SGCD: variants seen among roughly 807,000 people sequenced by gnomAD.
SGCD encodes the protein sarcoglycan delta.
SGCD carries 18 observed loss-of-function variants against 36.6 expected under a neutral mutation model. The ratio of observed to expected loss-of-function variants is 0.49; its 90% confidence interval spans 0.34 to 0.73. The LOEUF (loss-of-function observed/expected upper bound fraction) is 0.73. Among genes scored for constraint, SGCD ranks in the 30% least tolerant of loss-of-function variants. The pLI is 0.01. For synonymous variants in SGCD, 133 were observed against 130.6 expected (o/e 1.02, Z -0.12); for missense variants, 387 against 346.7 (o/e 1.12, Z -0.92).
At chr5:156,758,292 C>T (rs1757413045) in intron 8 of SGCD, among the ~76,000 whole-genome samples, 1 of 152,168 alleles carries the variant, frequency 6.6e-6, no homozygotes, top group Non-Finnish European at 1.5e-5. Flanking sequence ...TTACTACCCA[C>T]ACCCAAAATG....
Position 156,287,160 on chromosome 5 carries a change from T to C in SGCD, c.-43-42374T>C, listed in dbSNP as rs1766628997. ...CTTATACCTAGTACATGGGCTATTA[T>C]AATAATTAAAATAGCAGTTTCCAAA... On this transcript the variant is annotated intron_variant, in intron 3 of 9. Coordinates refer to the SGCD transcript ENST00000517913. 2.0e-5 allele frequency among the ~76,000 whole-genome samples: 3 copies of C among 152,152 alleles called. No homozygotes were observed. In the South Asian group the frequency reaches 6.2e-4, roughly 31 times the overall value.
intron 3 of SGCD, among the ~76,000 whole-genome samples, chr5:156,131,024 CG>C (rs1414041896): frequency 2.6e-5 from 4 of 152,172 alleles, no homozygotes; most frequent in Non-Finnish European, 5.9e-5. Flanking sequence ...CCACCACGCC[CG>C]GCCAGCATTC....
At chr5:155,995,902 G>A (rs2127566171) in intron 1 of SGCD, among the ~76,000 whole-genome samples, 1 of 149,836 alleles carries the variant, frequency 6.7e-6, no homozygotes, top group African/African-American at 2.5e-5. Flanking sequence ...TGTTCTTAAA[G>A]GATGAAGTTC....
intron 6 of SGCD, among the ~76,000 whole-genome samples, chr5:156,616,188 G>C (rs1301301274): frequency 6.6e-6 from 1 of 152,182 alleles, no homozygotes; most frequent in East Asian, 1.9e-4. Flanking sequence ...AGCAGAAAAA[G>C]TGGTTATCAT....
At chr5:155,781,283 C>T in the SGCD span, among the ~76,000 whole-genome samples, 1 of 152,222 alleles carries the variant, frequency 6.6e-6, no homozygotes, top group African/African-American at 2.4e-5. Flanking sequence ...GGTCTCCCGA[C>T]TTCAGGTCCT....
intron 1 of SGCD, among the ~76,000 whole-genome samples, chr5:155,996,863 G>GGATGGATGGATAGATA (rs367879360): frequency 2.7e-4 from 36 of 133,346 alleles, no homozygotes; most frequent in African/African-American, 9.6e-4. Context: ...CTGGATGGAT[G>GGATGGATGGATAGATA]GATAGATAGA....
intron 1 of SGCD, among the ~76,000 whole-genome samples, chr5:155,882,010 C>T (rs1755897648): frequency 6.6e-6 from 1 of 152,132 alleles, no homozygotes; most frequent in South Asian, 2.1e-4. Flanking sequence ...AAGTCTTGAA[C>T]CCCTCAAAGT....
intron 7 of SGCD, among the ~76,000 whole-genome samples, chr5:156,739,204 G>A (rs900248945): frequency 6.6e-6 from 1 of 152,012 alleles, no homozygotes; most frequent in African/African-American, 2.4e-5. Flanking sequence ...ATCTTAAGTT[G>A]TTCAGAATCA....
chr5:156,538,238 T>C (rs979515068), intron 4 of SGCD, among the ~76,000 whole-genome samples: 5 of 152,288 alleles, frequency 3.3e-5, no homozygotes. Flanking sequence ...ATTTGAAGAA[T>C]AGATAAGAAA....
intron 4 of SGCD, among the ~76,000 whole-genome samples, chr5:156,524,094 C>CTATA (rs60414987): frequency 1.8e-3 from 72 of 40,542 alleles, no homozygotes; most frequent in East Asian, 2.6e-3. Context: ...TGAGGTCTTA[C>CTATA]TATATATATA....
chr5:156,504,135 C>T (rs1012589868), intron 3 of SGCD, among the ~76,000 whole-genome samples: 3 of 150,290 alleles, frequency 2.0e-5, no homozygotes, highest in South Asian at 2.1e-4. Context: ...ACCTGGAAGG[C>T]GGAGGTTGCA....
intron 4 of SGCD, among the ~76,000 whole-genome samples, chr5:156,551,319 A>G (rs925417086): frequency 3.9e-5 from 6 of 152,006 alleles, no homozygotes; most frequent in Non-Finnish European, 8.8e-5. Flanking sequence ...TTCCCACTGA[A>G]CATATTATTT....
At chr5:155,778,466 T>C in the SGCD span, among the ~76,000 whole-genome samples, 1 of 152,198 alleles carries the variant, frequency 6.6e-6, no homozygotes, top group Admixed American at 6.5e-5. Context: ...ACTTAGCCAC[T>C]TTTGTCCCCC....
intron 3 of SGCD, among the ~76,000 whole-genome samples, chr5:156,315,879 C>A (rs189966548): frequency 1.3e-5 from 2 of 151,934 alleles, no homozygotes; most frequent in Admixed American, 1.3e-4. Flanking sequence ...CATATCTTTG[C>A]CCATTTTTAT....
chr5:156,757,414 CTTA>C (rs1217474900), intron 7 of SGCD, among the ~76,000 whole-genome samples, 164 bp from the exon 8 acceptor site: 5 of 151,666 alleles, frequency 3.3e-5, no homozygotes, highest in South Asian at 4.1e-4. Flanking sequence ...AAAGCCTAGA[CTTA>C]TTATGCTCCC....
At chr5:156,308,231 G>A (rs1767284911) in intron 3 of SGCD, among the ~76,000 whole-genome samples, 1 of 152,062 alleles carries the variant, frequency 6.6e-6, no homozygotes, top group Non-Finnish European at 1.5e-5. Flanking sequence ...GTGGCGGAGG[G>A]CAAAGGGAAA....
intron 6 of SGCD, among the ~76,000 whole-genome samples, chr5:156,596,236 C>T (rs1760920803): frequency 6.6e-6 from 1 of 152,158 alleles, no homozygotes; most frequent in Admixed American, 6.5e-5. Flanking sequence ...ACTTTTCCTT[C>T]TTTAGCTCCC....
intron 3 of SGCD, among the ~76,000 whole-genome samples, chr5:156,402,636 C>T (rs1255788381): frequency 6.6e-6 from 1 of 152,190 alleles, no homozygotes; most frequent in Non-Finnish European, 1.5e-5. Flanking sequence ...CATGCATGAA[C>T]TTGCAAGAAT....
At chr5:155,948,242 A>G (rs1248997506) in intron 1 of SGCD, among the ~76,000 whole-genome samples, 1 of 151,996 alleles carries the variant, frequency 6.6e-6, no homozygotes, top group Non-Finnish European at 1.5e-5. Context: ...GTGCCACCGC[A>G]CTCCAGCCTG....
Sources: allele counts gnomAD v4.1 joint callset (sites outside exome capture counted in the v4.1 genomes callset), GRCh38; gene constraint gnomAD v4.1.1; transcripts MANE v1.5; gene names NCBI Gene and HGNC (gene_info 2026-07-23, HGNC 2026-07-21).